Variants in LRRTM4 observed in about 807,000 individuals in gnomAD.
LRRTM4 encodes the protein leucine rich repeat transmembrane neuronal 4.
A neutral mutation model predicts 47.6 loss-of-function variants in LRRTM4; 25 were observed. The ratio of observed to expected loss-of-function variants is 0.53; its 90% confidence interval spans 0.38 to 0.73. LRRTM4 has a LOEUF of 0.73. Ranked by LOEUF, LRRTM4 falls within the 30% of genes least tolerant of loss-of-function variation. The probability of loss-of-function intolerance (pLI) is 0.00; values close to 1 mark genes in which losing one functional copy is unlikely to be tolerated. For missense variants in LRRTM4, 638 were observed against 713.4 expected, an observed-to-expected ratio of 0.89 and a Z score of 1.20; for synonymous variants, 311 against 269.5, an observed-to-expected ratio of 1.15 and a Z score of -1.51.
chr2:76,907,399 C>T (rs1313065676), intron 3 of LRRTM4, among the ~76,000 whole-genome samples: 3 of 149,996 alleles, frequency 2.0e-5, no homozygotes, highest in Non-Finnish European at 4.4e-5. Context: ...AGGAAAGATC[C>T]AAAATTGACA....
At chr2:77,143,684 T>C (rs1344925297) in intron 3 of LRRTM4, among the ~76,000 whole-genome samples, 1 of 152,210 alleles carries the variant, frequency 6.6e-6, no homozygotes, top group Non-Finnish European at 1.5e-5. Flanking sequence ...GATATGCATA[T>C]GAAGAGCCTA....
chr2:76,897,205 C>A (rs1360735417), intron 3 of LRRTM4, among the ~76,000 whole-genome samples: 2 of 152,094 alleles, frequency 1.3e-5, no homozygotes, highest in African/African-American at 4.8e-5. Flanking sequence ...GCAGAGTAGG[C>A]AGCGTCAATA....
intron 3 of LRRTM4, among the ~76,000 whole-genome samples, chr2:76,946,840 C>A (rs1213293821): frequency 6.6e-6 from 1 of 151,790 alleles, no homozygotes. Flanking sequence ...TCATTTGAAG[C>A]ATCATTCAAT....
chr2:77,413,396 C>T (rs1168070786), intron 3 of LRRTM4, among the ~76,000 whole-genome samples: 1 of 149,684 alleles, frequency 6.7e-6, no homozygotes, highest in East Asian at 1.9e-4. Flanking sequence ...TGTAGCAGTC[C>T]CAACCTCCTA....
intron 3 of LRRTM4, among the ~76,000 whole-genome samples, chr2:76,842,207 A>T (rs1030970398): frequency 6.6e-6 from 1 of 152,138 alleles, no homozygotes; most frequent in Non-Finnish European, 1.5e-5. Context: ...TGGTTTATCA[A>T]TCTTCTGCAG....
intron 3 of LRRTM4, among the ~76,000 whole-genome samples, chr2:77,043,253 T>C (rs961785184): frequency 2.6e-5 from 4 of 151,816 alleles, no homozygotes; most frequent in Admixed American, 2.0e-4. Context: ...AGTCTACCCA[T>C]TCAAGTTTGG....
At chr2:77,251,179 G>GTA (rs1268543416) in intron 3 of LRRTM4, among the ~76,000 whole-genome samples, 20 of 30,150 alleles carry the variant, frequency 6.6e-4, no homozygotes, top group East Asian at 9.6e-4. Flanking sequence ...GTGTGTGTGT[G>GTA]TATATATATA....
chr2:76,786,049 A>G (rs759171109), intron 3 of LRRTM4, among the ~76,000 whole-genome samples: 31 of 152,318 alleles, frequency 2.0e-4, no homozygotes, highest in Non-Finnish European at 3.4e-4. Flanking sequence ...TTCAGAAGAC[A>G]TAAGTTACAT....
chr2:77,110,968 T>C (rs979986102), intron 3 of LRRTM4, among the ~76,000 whole-genome samples: 3 of 152,202 alleles, frequency 2.0e-5, no homozygotes, highest in Non-Finnish European at 4.4e-5. Flanking sequence ...TTATTAAAAA[T>C]AAAGGCTGTC....
chr2:76,778,633 C>T (rs192880691), intron 3 of LRRTM4, among the ~76,000 whole-genome samples: 18 of 152,010 alleles, frequency 1.2e-4, no homozygotes, highest in African/African-American at 3.1e-4. Context: ...TTACTGCATC[C>T]ATTTGATTCT....
At chr2:77,438,631 C>T (rs537408704) in intron 3 of LRRTM4, among the ~76,000 whole-genome samples, 7 of 152,178 alleles carry the variant, frequency 4.6e-5, no homozygotes, top group South Asian at 2.1e-4. Context: ...TGGTCTCGAT[C>T]TCCTGACCTC....
At position 77,075,712 on chromosome 2, in the gene LRRTM4, G is replaced by A. The variant is rs1335097659; in HGVS notation, c.1552-326796C>T. 1.3e-3 allele frequency among the ~76,000 whole-genome samples: 194 copies of A among 151,056 alleles called. 1 individual carries two copies. Among genetic ancestry groups the A allele is most frequent in the African/African-American group, 4.5e-3 (183 of 40,978 alleles). ...GGGCAGATCACGAGGTCAGGAGATC[G>A]AGACCATCCTGGCTAACAAGGTGAA... On this transcript the variant is annotated intron_variant, in intron 3 of 3. Transcript: ENST00000409884.
intron 3 of LRRTM4, among the ~76,000 whole-genome samples, chr2:77,307,282 T>C (rs1281974024): frequency 6.6e-6 from 1 of 151,836 alleles, no homozygotes; most frequent in African/African-American, 2.4e-5. Flanking sequence ...TGAAATTTTC[T>C]CTGAAATGTG....
chr2:77,052,424 C>G (rs1442305410), intron 3 of LRRTM4, among the ~76,000 whole-genome samples: 1 of 151,964 alleles, frequency 6.6e-6, no homozygotes, highest in Admixed American at 6.6e-5. Flanking sequence ...CCGCCTTGGC[C>G]TCCCAAAGTG....
chr2:77,156,841 G>C (rs1478118498), intron 3 of LRRTM4, among the ~76,000 whole-genome samples: 2 of 151,674 alleles, frequency 1.3e-5, no homozygotes, highest in African/African-American at 4.8e-5. Flanking sequence ...CAAAGTGATG[G>C]GACTATAGAT....
At chr2:77,054,159 T>C (rs559181363) in intron 3 of LRRTM4, among the ~76,000 whole-genome samples, 3 of 150,022 alleles carry the variant, frequency 2.0e-5, no homozygotes, top group East Asian at 1.9e-4. Flanking sequence ...GAGGAGTCAG[T>C]AACAGGGCAG....
At chr2:77,068,834 C>A (rs1680049673) in intron 3 of LRRTM4, among the ~76,000 whole-genome samples, 1 of 152,176 alleles carries the variant, frequency 6.6e-6, no homozygotes, top group African/African-American at 2.4e-5. Flanking sequence ...GCCATAAGGC[C>A]TACGCTGGAA....
At chr2:77,106,254 T>C (rs1671090396) in intron 3 of LRRTM4, among the ~76,000 whole-genome samples, 1 of 152,162 alleles carries the variant, frequency 6.6e-6, no homozygotes, top group African/African-American at 2.4e-5. Flanking sequence ...AAAATGTAGG[T>C]ATTGGTTCCT....
At chr2:77,066,620 A>C (rs1196373917) in intron 3 of LRRTM4, among the ~76,000 whole-genome samples, 1 of 152,216 alleles carries the variant, frequency 6.6e-6, no homozygotes, top group Non-Finnish European at 1.5e-5. Context: ...AAAAAGATCA[A>C]AGGCCCTTAT....
Sources: gnomAD v4.1 joint callset for allele counts (sites outside exome capture counted in the v4.1 genomes callset) on GRCh38, gnomAD v4.1.1 for gene constraint, MANE v1.5 for transcripts, NCBI Gene and HGNC (gene_info 2026-07-23, HGNC 2026-07-21) for gene names.